Variants in SLIT3 observed in about 807,000 individuals in gnomAD.
SLIT3 encodes the protein slit homolog 3 protein.
In SLIT3, 68 loss-of-function variants were observed where a neutral mutation model predicts 184.0. That is an observed-to-expected ratio of 0.37 (90% CI 0.30 to 0.45). The LOEUF is 0.45. SLIT3 is among the 20% of genes least tolerant of loss of function. SLIT3 has a pLI of 1.00. For synonymous variants in SLIT3, 831 were observed against 828.6 expected, an observed-to-expected ratio of 1.00 and a Z score of -0.05; for missense variants, 1,707 against 2,026.0, an observed-to-expected ratio of 0.84 and a Z score of 3.02.
chr5:169,139,235 CAG>C (rs1293597039), intron 4 of SLIT3, among the ~76,000 whole-genome samples: 3 of 152,178 alleles, frequency 2.0e-5, no homozygotes, highest in Non-Finnish European at 4.4e-5. Context: ...AACAGAACTA[CAG>C]AAAAATACAA....
intron 3 of SLIT3, among the ~76,000 whole-genome samples, chr5:169,203,401 T>C (rs1411417286): frequency 2.0e-5 from 3 of 148,294 alleles, no homozygotes; most frequent in Non-Finnish European, 4.4e-5. Context: ...CAGATAATAA[T>C]GTACATGCAA....
chr5:169,219,381 A>T (rs1764549318), intron 3 of SLIT3, among the ~76,000 whole-genome samples: 1 of 152,238 alleles, frequency 6.6e-6, no homozygotes, highest in African/African-American at 2.4e-5. Flanking sequence ...GACCATTATT[A>T]ATCTCGCTTT....
chr5:169,080,507 A>T (rs924423129), intron 4 of SLIT3, among the ~76,000 whole-genome samples: 1 of 152,042 alleles, frequency 6.6e-6, no homozygotes, highest in Non-Finnish European at 1.5e-5. Flanking sequence ...AGGGGATTTG[A>T]TCCCAGGGAG....
intron 4 of SLIT3, among the ~76,000 whole-genome samples, chr5:169,146,662 C>A (rs189249438): frequency 2.8e-3 from 426 of 152,300 alleles, no homozygotes; most frequent in Non-Finnish European, 5.0e-3. Flanking sequence ...TAAGCTCTTC[C>A]AAACCCAAGT....
At chr5:169,161,336 TG>T (rs1446457155) in intron 4 of SLIT3, among the ~76,000 whole-genome samples, 2 of 152,208 alleles carry the variant, frequency 1.3e-5, no homozygotes, top group African/African-American at 2.4e-5. Flanking sequence ...TCTGCCATGC[TG>T]AAACTATTTG....
At chr5:169,156,162 C>G (rs1433706125) in intron 4 of SLIT3, among the ~76,000 whole-genome samples, 1 of 152,188 alleles carries the variant, frequency 6.6e-6, no homozygotes, top group South Asian at 2.1e-4. Context: ...CTATGAGATG[C>G]CCAGGTCATT....
At chr5:169,091,591 C>T (rs1264961472) in intron 4 of SLIT3, among the ~76,000 whole-genome samples, 1 of 152,202 alleles carries the variant, frequency 6.6e-6, no homozygotes, top group Non-Finnish European at 1.5e-5. Flanking sequence ...TTGACAATCA[C>T]TGAAGCAAGC....
At chr5:169,043,415 A>T (rs1757516672) in intron 4 of SLIT3, among the ~76,000 whole-genome samples, 1 of 152,240 alleles carries the variant, frequency 6.6e-6, no homozygotes, top group Admixed American at 6.5e-5. Context: ...TTTGATGCAG[A>T]TCCTTCAGGA....
At chr5:169,021,612 G>A (rs796668698) in intron 4 of SLIT3, among the ~76,000 whole-genome samples, 6 of 152,218 alleles carry the variant, frequency 3.9e-5, no homozygotes, top group African/African-American at 1.4e-4. Flanking sequence ...CGGCCTCCCA[G>A]TGTGCTGGGA....
chr5:169,276,752 A>G (rs1341039028), intron 1 of SLIT3, among the ~76,000 whole-genome samples: 1 of 152,252 alleles, frequency 6.6e-6, no homozygotes, highest in Non-Finnish European at 1.5e-5. Flanking sequence ...AAGGCTTGAC[A>G]AAAACAGAAA....
intron 9 of SLIT3, among the ~76,000 whole-genome samples, chr5:168,797,796 G>A (rs191301563): frequency 5.9e-5 from 9 of 152,284 alleles, no homozygotes; most frequent in African/African-American, 1.7e-4. Flanking sequence ...ATGAGGAAAA[G>A]AAAACCTAGA....
intron 4 of SLIT3, among the ~76,000 whole-genome samples, chr5:169,078,084 G>A (rs1299818888): frequency 6.6e-6 from 1 of 152,044 alleles, no homozygotes; most frequent in African/African-American, 2.4e-5. Flanking sequence ...CTGGGGCCTT[G>A]TGTTCATTTT....
chr5:169,001,395 G>A (rs939094552), intron 4 of SLIT3, among the ~76,000 whole-genome samples: 1 of 152,052 alleles, frequency 6.6e-6, no homozygotes. Context: ...CCTATCTTTT[G>A]AGTTCGGCTT....
chr5:168,756,434 G>A (rs1011992115), intron 16 of SLIT3, among the ~76,000 whole-genome samples: 5 of 152,232 alleles, frequency 3.3e-5, no homozygotes, highest in Non-Finnish European at 5.9e-5. Flanking sequence ...AACAGCCGGT[G>A]CCTTGGTTCC....
intron 6 of SLIT3, among the ~76,000 whole-genome samples, chr5:168,842,868 TTCTC>T (rs1758318663): frequency 6.6e-6 from 1 of 152,204 alleles, no homozygotes; most frequent in Non-Finnish European, 1.5e-5. Context: ...ATCTTTCTCA[TTCTC>T]TCTGTCAAGG....
At chr5:168,906,341 C>G (rs926235940) in intron 4 of SLIT3, among the ~76,000 whole-genome samples, 2 of 152,148 alleles carry the variant, frequency 1.3e-5, no homozygotes, top group African/African-American at 4.8e-5. Context: ...TTATTGGGAG[C>G]TATTCTCAAA....
rs550693755 is a variant in SLIT3 at position 169,094,450 on chromosome 5, G to A, written c.413+99029C>T. On this transcript the variant is annotated intron_variant, in intron 4 of 35. Coordinates refer to ENST00000519560, the MANE Select transcript of SLIT3 (RefSeq NM_003062.4). ...TTGAGACCAGCCTGGCCAACAGAGT[G>A]AAACCCCGTCTCTACTAAAAATACA... 5.4e-4 allele frequency among the ~76,000 whole-genome samples: 82 copies of A among 152,314 alleles called. 1 individual carries two copies. Among genetic ancestry groups the A allele is most frequent in the Admixed American group, 4.1e-3 (62 of 15,294 alleles).
chr5:169,235,404 A>T (rs1283293597), intron 3 of SLIT3, among the ~76,000 whole-genome samples: 1 of 152,192 alleles, frequency 6.6e-6, no homozygotes, highest in Non-Finnish European at 1.5e-5. Flanking sequence ...AACTTTTTAT[A>T]TTAGAATAGA....
At chr5:168,683,345 G>A (rs1258485065) in intron 32 of SLIT3, among the ~76,000 whole-genome samples, 2 of 150,300 alleles carry the variant, frequency 1.3e-5, no homozygotes, top group South Asian at 2.1e-4. Context: ...ACTCCAGCCT[G>A]GGCAAGAGAA....
Sources: allele counts gnomAD v4.1 joint callset (sites outside exome capture counted in the v4.1 genomes callset), GRCh38; gene constraint gnomAD v4.1.1; transcripts MANE v1.5; gene names NCBI Gene and HGNC (gene_info 2026-07-23, HGNC 2026-07-21).